GREB1L: variants seen among roughly 807,000 people sequenced by gnomAD.
The protein encoded by GREB1L is GREB1-like protein.
A neutral mutation model predicts 200.8 loss-of-function variants in GREB1L; 17 were observed. The observed-to-expected ratio is 0.08, with a 90% confidence interval of 0.06 to 0.13. The LOEUF is 0.13. Among genes scored for constraint, GREB1L ranks in the 10% least tolerant of loss-of-function variants. GREB1L has a pLI of 1.00. For missense variants in GREB1L, 1,657 were observed against 2,367.7 expected (o/e 0.70, Z 6.23); for synonymous variants, 789 against 893.0 (o/e 0.88, Z 2.08).
intron 1 of GREB1L, among the ~76,000 whole-genome samples, chr18:21,360,407 G>T (rs564803220): frequency 1.3e-5 from 2 of 151,886 alleles, no homozygotes; most frequent in South Asian, 4.2e-4. Context: ...TGTATTTTTA[G>T]TAGAGATGGC....
At chr18:21,259,180 T>C (rs1260874318) in intron 1 of GREB1L, among the ~76,000 whole-genome samples, 4 of 152,240 alleles carry the variant, frequency 2.6e-5, no homozygotes, top group African/African-American at 9.6e-5. Flanking sequence ...GTTTAACCTG[T>C]ACTGATTTTT....
intron 1 of GREB1L, among the ~76,000 whole-genome samples, chr18:21,278,713 A>G (rs1042909176): frequency 6.6e-6 from 1 of 152,154 alleles, no homozygotes; most frequent in African/African-American, 2.4e-5. Flanking sequence ...AAAAATTATG[A>G]TTTTCAGAGT....
chr18:21,367,790 A>G (rs1437019623), intron 2 of GREB1L, among the ~76,000 whole-genome samples: 2 of 152,214 alleles, frequency 1.3e-5, no homozygotes, highest in African/African-American at 4.8e-5. Context: ...AGTCAAGAAT[A>G]GAGAATAAGA....
chr18:21,502,015 C>T lies in GREB1L; in HGVS notation c.4072+1373C>T, dbSNP rs139857062. Among the ~76,000 whole-genome samples the T allele has an allele frequency of 2.0e-3, 308 of 152,282 alleles. 2 individuals carry two copies. The highest frequency in any genetic ancestry group is 6.9e-3 in the African/African-American group (286 of 41,564). On this transcript the variant is annotated intron_variant, in intron 23 of 32. Coordinates refer to ENST00000424526, the MANE Select transcript of GREB1L (RefSeq NM_001142966.3). ...GTAGCTCACGCCTGTAATCCCAGCA[C>T]TTTGGGAGGCCAAGGCGGGCGGATC...
At chr18:21,386,588 A>G (rs1254977485) in intron 4 of GREB1L, among the ~76,000 whole-genome samples, 3 of 139,102 alleles carry the variant, frequency 2.2e-5, no homozygotes, top group Non-Finnish European at 3.0e-5. Flanking sequence ...GTGCCTGGCC[A>G]GTAGCTTTTT....
intron 1 of GREB1L, among the ~76,000 whole-genome samples, chr18:21,259,196 G>T (rs2037851041): frequency 6.6e-6 from 1 of 152,054 alleles, no homozygotes; most frequent in Non-Finnish European, 1.5e-5. Flanking sequence ...TTTTTAAAAA[G>T]GATTTGAAGT....
At chr18:21,426,966 A>C (rs1242680665) in intron 7 of GREB1L, among the ~76,000 whole-genome samples, 32 of 104,360 alleles carry the variant, frequency 3.1e-4, no homozygotes, top group African/African-American at 1.9e-3. Flanking sequence ...CTCAAAAAAA[A>C]AAAAAACAAA....
intron 1 of GREB1L, among the ~76,000 whole-genome samples, chr18:21,268,480 T>A (rs2038008429): frequency 7.0e-6 from 1 of 143,272 alleles, no homozygotes; most frequent in African/African-American, 2.5e-5. Context: ...TATATATATG[T>A]GTGTGTGTGT....
intron 20 of GREB1L, 99 bp from the exon 21 acceptor site, chr18:21,496,355 A>AT: frequency 7.4e-7 from 1 of 1,345,126 alleles, no homozygotes; most frequent in South Asian, 1.4e-5. Flanking sequence ...GAAACCTATG[A>AT]TTTTAACTGC....
intron 1 of GREB1L, among the ~76,000 whole-genome samples, chr18:21,254,061 A>ATTTTTTTTTTTT (rs547876546): frequency 1.4e-5 from 1 of 70,438 alleles, no homozygotes; most frequent in Admixed American, 1.7e-4. Flanking sequence ...TTTCAGGCAT[A>ATTTTTTTTTTTT]TTTTTTTTTT....
At chr18:21,312,639 C>T (rs1188265550) in intron 1 of GREB1L, among the ~76,000 whole-genome samples, 9 of 151,826 alleles carry the variant, frequency 5.9e-5, no homozygotes, top group African/African-American at 1.9e-4. Context: ...CTGCAACCTC[C>T]GCCTCCCGGG....
At chr18:21,329,784 T>C (rs1376684542) in intron 1 of GREB1L, among the ~76,000 whole-genome samples, 1 of 152,178 alleles carries the variant, frequency 6.6e-6, no homozygotes, top group African/African-American at 2.4e-5. Flanking sequence ...CCTCTGCTGC[T>C]GAGGGAACAC....
At chr18:21,289,287 C>T (rs183698481) in intron 1 of GREB1L, among the ~76,000 whole-genome samples, 2 of 152,188 alleles carry the variant, frequency 1.3e-5, no homozygotes, top group Non-Finnish European at 2.9e-5. Context: ...TGGTAGCTCA[C>T]GCCTGTAATC....
At chr18:21,386,593 CTT>C (rs35010034) in intron 4 of GREB1L, among the ~76,000 whole-genome samples, 13 of 115,100 alleles carry the variant, frequency 1.1e-4, no homozygotes, top group Non-Finnish European at 1.3e-4. Context: ...TGGCCAGTAG[CTT>C]TTTTTTTTTT....
At chr18:21,268,288 G>A (rs1242129894) in intron 1 of GREB1L, among the ~76,000 whole-genome samples, 1 of 151,610 alleles carries the variant, frequency 6.6e-6, no homozygotes, top group Non-Finnish European at 1.5e-5. Context: ...CTGGCACATT[G>A]CCGTGTGCCA....
At chr18:21,446,864 G>A (rs1471931161) in intron 11 of GREB1L, among the ~76,000 whole-genome samples, 2 of 152,162 alleles carry the variant, frequency 1.3e-5, no homozygotes, top group African/African-American at 4.8e-5. Flanking sequence ...CTTCACTACA[G>A]TCACTTTTAA....
At chr18:21,277,317 G>T (rs2038185297) in intron 1 of GREB1L, among the ~76,000 whole-genome samples, 1 of 152,160 alleles carries the variant, frequency 6.6e-6, no homozygotes, top group African/African-American at 2.4e-5. Flanking sequence ...TCGTGCAGGT[G>T]CCCTGGCCAG....
At chr18:21,399,437 T>A (rs1462524794) in intron 5 of GREB1L, among the ~76,000 whole-genome samples, 6 of 106,856 alleles carry the variant, frequency 5.6e-5, no homozygotes, top group Non-Finnish European at 1.9e-5. Context: ...GGTTGGATGG[T>A]TGGATGGATG....
chr18:21,495,077 A>C (rs2036496013), intron 19 of GREB1L, among the ~76,000 whole-genome samples: 1 of 152,116 alleles, frequency 6.6e-6, no homozygotes, highest in Non-Finnish European at 1.5e-5. Context: ...GTCTGGTTAT[A>C]TTTTTAGCCT....
Sources: gnomAD v4.1 joint callset for allele counts (sites outside exome capture counted in the v4.1 genomes callset) on GRCh38, gnomAD v4.1.1 for gene constraint, MANE v1.5 for transcripts, NCBI Gene and HGNC (gene_info 2026-07-23, HGNC 2026-07-21) for gene names.